The following ALPL variants were observed in gnomAD, a reference collection of about 807,000 sequenced individuals.
The protein encoded by ALPL is alkaline phosphatase, tissue-nonspecific isozyme.
ALPL carries 42 observed loss-of-function variants against 51.3 expected under a neutral mutation model. The observed-to-expected ratio is 0.82, with a 90% CI of 0.64 to 1.06. The LOEUF (loss-of-function observed/expected upper bound fraction) is 1.06. Among genes scored for constraint, ALPL ranks in the 50% least tolerant of loss-of-function variants. ALPL has a pLI of 0.00. For synonymous variants in ALPL, 279 were observed against 296.4 expected, an observed-to-expected ratio of 0.94 and a Z score of 0.60; for missense variants, 589 against 709.4, an observed-to-expected ratio of 0.83 and a Z score of 1.93.
chr1:21,520,946 C>G (rs1643877292), intron 1 of ALPL, among the ~76,000 whole-genome samples: 1 of 152,210 alleles, frequency 6.6e-6, no homozygotes, highest in Non-Finnish European at 1.5e-5. Context: ...TCTCCAGTCT[C>G]TCTCATCGTT....
chr1:21,576,469 G>A (rs1570307367), intron 10 of ALPL, 53 bp from the exon 11 acceptor site: 2 of 1,604,664 alleles, frequency 1.2e-6, no homozygotes, highest in South Asian at 2.2e-5. Context: ...GGGGGCTGGG[G>A]ACTGTACTCC....
intron 1 of ALPL, among the ~76,000 whole-genome samples, chr1:21,512,738 C>G (rs559129983): frequency 4.6e-5 from 7 of 152,108 alleles, no homozygotes; most frequent in Admixed American, 3.3e-4. Flanking sequence ...CCAACCCCCC[C>G]GCCAACACTT....
chr1:21,575,468 C>T (rs964938225), intron 9 of ALPL, among the ~76,000 whole-genome samples: 3 of 152,098 alleles, frequency 2.0e-5, no homozygotes, highest in Non-Finnish European at 4.4e-5. Flanking sequence ...TACAGCTTCC[C>T]GGCCTGGTGA....
intron 1 of ALPL, among the ~76,000 whole-genome samples, chr1:21,516,709 T>C (rs369967567): frequency 2.6e-5 from 4 of 152,330 alleles, no homozygotes; most frequent in Middle Eastern, 3.4e-3. Context: ...CCATCCAATA[T>C]AGAAATTCAT....
chr1:21,520,421 C>G (rs1643871580), intron 1 of ALPL, among the ~76,000 whole-genome samples: 1 of 151,682 alleles, frequency 6.6e-6, no homozygotes, highest in East Asian at 1.9e-4. Flanking sequence ...GGTGAGCCAC[C>G]AGGCCTGGCA....
intron 1 of ALPL, among the ~76,000 whole-genome samples, chr1:21,526,299 C>T (rs1451080916): frequency 6.6e-6 from 1 of 151,996 alleles, no homozygotes; most frequent in Non-Finnish European, 1.5e-5. Flanking sequence ...ACCACCATAC[C>T]TGGCTAATTT....
intron 1 of ALPL, among the ~76,000 whole-genome samples, chr1:21,551,091 G>A (rs1449961709): frequency 1.3e-5 from 2 of 152,122 alleles, no homozygotes; most frequent in East Asian, 1.9e-4. Flanking sequence ...AACGGCGAGC[G>A]GACCTTCCGG....
At chr1:21,533,099 C>T (rs1249052340) in intron 1 of ALPL, among the ~76,000 whole-genome samples, 1 of 152,196 alleles carries the variant, frequency 6.6e-6, no homozygotes, top group Non-Finnish European at 1.5e-5. Context: ...TGGAGCAGTT[C>T]TTTCAACATG....
intron 5 of ALPL, 59 bp from the exon 6 acceptor site, chr1:21,563,982 A>G (rs1570276112): frequency 1.9e-6 from 3 of 1,598,292 alleles, no homozygotes; most frequent in African/African-American, 1.3e-5. Context: ...GGGAGGGAGG[A>G]GGCCTCTGGG....
intron 1 of ALPL, among the ~76,000 whole-genome samples, chr1:21,544,138 G>A (rs1247683180): frequency 6.6e-6 from 1 of 152,244 alleles, no homozygotes; most frequent in Non-Finnish European, 1.5e-5. Flanking sequence ...TCTCAGGGTT[G>A]TTAATGAGGA....
At chr1:21,546,258 G>A (rs1363663474) in intron 1 of ALPL, among the ~76,000 whole-genome samples, 1 of 152,200 alleles carries the variant, frequency 6.6e-6, no homozygotes. Flanking sequence ...TAGTTTTCCT[G>A]TTATGGTGAG....
At chr1:21,560,977 T>C (rs2148151813) in intron 3 of ALPL, 120 bp from the exon 4 acceptor site, 4 of 1,035,082 alleles carry the variant, frequency 3.9e-6, no homozygotes, top group Non-Finnish European at 5.9e-6. Context: ...TACAGAGCCA[T>C]GCCCAGTGCC....
At chr1:21,523,403 A>G (rs1643903584) in intron 1 of ALPL, among the ~76,000 whole-genome samples, 1 of 152,246 alleles carries the variant, frequency 6.6e-6, no homozygotes, top group Admixed American at 6.5e-5. Context: ...AGGCTGTGGC[A>G]TCTTGCTGTC....
intron 1 of ALPL, among the ~76,000 whole-genome samples, chr1:21,515,450 G>C (rs112387019): frequency 2.6e-5 from 4 of 151,618 alleles, no homozygotes; most frequent in African/African-American, 9.7e-5. Flanking sequence ...GTGCAGTGGC[G>C]TGATCTCGGC....
intron 2 of ALPL, among the ~76,000 whole-genome samples, chr1:21,559,720 G>A (rs1437852494): frequency 2.6e-5 from 4 of 152,150 alleles, no homozygotes; most frequent in Admixed American, 2.0e-4. Context: ...GGATATCACC[G>A]TGTTGCCCAA....
At chr1:21,524,741 C>A (rs997095346) in intron 1 of ALPL, among the ~76,000 whole-genome samples, 1 of 152,184 alleles carries the variant, frequency 6.6e-6, no homozygotes, top group Non-Finnish European at 1.5e-5. Context: ...AGGAGTTGAG[C>A]AAATAGCAGG....
At chr1:21,529,647 AACTGGTTTTTCACATAGAGTGTTTCC>A (rs1351586050) in intron 1 of ALPL, among the ~76,000 whole-genome samples, 28 of 152,298 alleles carry the variant, frequency 1.8e-4, no homozygotes, top group African/African-American at 5.8e-4. Flanking sequence ...TTGTTATTTC[AACTGGTTTTTCACATAGAGTGTTTCC>A]ACTGGGGTCT....
intron 2 of ALPL, among the ~76,000 whole-genome samples, chr1:21,555,675 C>G (rs1644403523): frequency 6.6e-6 from 1 of 152,148 alleles, no homozygotes; most frequent in African/African-American, 2.4e-5. Context: ...GCCTTGGCCT[C>G]CCAAAGTGCT....
chr1:21,515,458 G>A (rs976348371), intron 1 of ALPL, among the ~76,000 whole-genome samples: 3 of 152,092 alleles, frequency 2.0e-5, no homozygotes, highest in African/African-American at 4.8e-5. Flanking sequence ...GCGTGATCTC[G>A]GCTCACTACA....
Sources: gnomAD v4.1 joint callset for allele counts (sites outside exome capture counted in the v4.1 genomes callset) on GRCh38, gnomAD v4.1.1 for gene constraint, MANE v1.5 for transcripts, NCBI Gene and HGNC (gene_info 2026-07-23, HGNC 2026-07-21) for gene names.